PCDHGA8: variants seen among roughly 807,000 people sequenced by gnomAD.
The protein encoded by PCDHGA8 is protocadherin gamma subfamily A, 8.
In PCDHGA8, 45 loss-of-function variants were observed where a neutral mutation model predicts 59.2. The ratio of observed to expected loss-of-function variants is 0.76; its 90% CI spans 0.60 to 0.98. PCDHGA8 has a LOEUF of 0.98. PCDHGA8 is among the 50% of genes least tolerant of loss of function. PCDHGA8 has a pLI of 0.00. For missense variants in PCDHGA8, 1,257 were observed against 1,196.2 expected (o/e 1.05, Z -0.75); for synonymous variants, 531 against 519.0 (o/e 1.02, Z -0.32).
At chr5:141,418,742 G>T (rs1351760637) in intron 1 of PCDHGA8, 6 of 1,613,778 alleles carry the variant, frequency 3.7e-6, no homozygotes, top group South Asian at 1.1e-5. Context: ...GTTCTCTCTG[G>T]ATTACACTAC....
chr5:141,410,687 T>A, intron 1 of PCDHGA8: 1 of 1,518,632 alleles, frequency 6.6e-7, no homozygotes, highest in Non-Finnish European at 8.8e-7. Context: ...TTAGGCATAC[T>A]ACTTTATTTT....
rs755602367 is a variant in PCDHGA8, at chr5:141,415,231, G to A, written c.2424+19994G>A. ...GGACCTCGGCAGCTTCGAGTCTCCA[G>A]CTAACTCTGAAACCTCAGACCTCAC... On this transcript the variant is annotated intron_variant, in intron 1 of 3. Transcript: ENST00000398604. 2.1e-5 allele frequency: 34 copies of A among 1,614,042 alleles called. No homozygotes were observed. The South Asian group carries it at 3.2e-4, about 15-fold the overall frequency.
chr5:141,494,712 C>T, intron 1 of PCDHGA8, 95 bp from the exon 2 acceptor site: 1 of 1,603,048 alleles, frequency 6.2e-7, no homozygotes, highest in Non-Finnish European at 8.5e-7. Context: ...TCTGTGCCCA[C>T]TCCCCTCCTT....
rs919100488 is a variant in PCDHGA8 at position 141,511,573 on chromosome 5, G to A, written c.*400G>A. On this transcript the variant is annotated 3_prime_UTR_variant, in exon 4 of 4. Transcript: ENST00000398604. ...ACAGTTCCTCTTTCCCGAGTAAGGT[G>A]GTTGGGGTGTTGAAGTACCAAGTAA... 1.1e-4 allele frequency: 33 copies of A among 288,248 alleles called. No individual in the cohort carries two copies. Among genetic ancestry groups the A allele is most frequent in the African/African-American group, 7.1e-4 (33 of 46,356 alleles). The allele number at this position is 288,248 out of a possible 1,614,324, so 17.9% of individuals were successfully genotyped here.
chr5:141,478,726 G>A, intron 1 of PCDHGA8: 2 of 1,540,996 alleles, frequency 1.3e-6, no homozygotes, highest in Non-Finnish European at 1.8e-6. Context: ...GCCTGCCAGA[G>A]TGTGGTTTGT....
chr5:141,404,075 G>C (rs2154534954), intron 1 of PCDHGA8: 2 of 1,613,660 alleles, frequency 1.2e-6, no homozygotes, highest in East Asian at 2.2e-5. Flanking sequence ...TCATGACCGA[G>C]ACTCCGGGAA....
rs1329435709 is a variant in PCDHGA8 at position 141,485,726 on chromosome 5, C to T, written c.2425-9081C>T. ...ACACTTTGCACTGGATGTGAAGAAGCGCAGCGACGGCAGCCTGGTCCCAGA... is the reference window on the plus strand; with the variant it reads ...ACACTTTGCACTGGATGTGAAGAAGTGCAGCGACGGCAGCCTGGTCCCAGA... On this transcript the variant is annotated intron_variant, in intron 1 of 3. Coordinates refer to ENST00000398604, the MANE Select transcript of PCDHGA8 (RefSeq NM_032088.2). This position sits in a 1 kb window ranked among gnomAD's most constrained non-coding sequence, Gnocchi z 5.7. 2 of 1,614,138 alleles carry T rather than the reference C, an allele frequency of 1.2e-6. No homozygotes were observed. The highest frequency in any genetic ancestry group is 8.5e-7 in the Non-Finnish European group (1 of 1,180,024).
rs186288044 is a variant in PCDHGA8, at chr5:141,433,652, A to G, written c.2424+38415A>G. On this transcript the variant is annotated intron_variant, in intron 1 of 3. Transcript: ENST00000398604. ...GGAGTTTGAGACCAGCCTGACCAAC[A>G]TGGAGAAACCCCGTCTATACTAAAA... is the stretch of plus-strand genomic sequence containing the variant. 1.0e-2 allele frequency among the ~76,000 whole-genome samples: 1,520 copies of G among 152,208 alleles called. 33 individuals are homozygous for G. The highest frequency in any genetic ancestry group is 0.034 in the African/African-American group (1,423 of 41,538).
intron 1 of PCDHGA8, among the ~76,000 whole-genome samples, chr5:141,462,269 T>C (rs2099036247): frequency 6.6e-6 from 1 of 152,230 alleles, no homozygotes; most frequent in Admixed American, 6.5e-5. Context: ...CTAAAGTGTA[T>C]TGTTTAGTCA....
rs1243327893 is a variant in PCDHGA8, at chr5:141,491,671, C to G, written c.2425-3136C>G. 1 of 1,613,484 alleles carries G rather than the reference C, an allele frequency of 6.2e-7. No homozygotes were observed. Among genetic ancestry groups the G allele is most frequent in the Admixed American group, 1.7e-5 (1 of 60,034 alleles). On this transcript the variant is annotated intron_variant, in intron 1 of 3. Transcript: ENST00000398604. This position sits in a 1 kb window ranked among gnomAD's most constrained non-coding sequence, Gnocchi z 6.9. ...GCTGGAGCCTGACGCCATCCGGTCC[C>G]GCTCTAATACGCTGCGGGAGCGGAG...
At chr5:141,409,640 G>A (rs1045286800) in intron 1 of PCDHGA8, 2 of 1,613,780 alleles carry the variant, frequency 1.2e-6, no homozygotes, top group African/African-American at 1.3e-5. Context: ...CTCTGACCCG[G>A]ATTTGGGGCT....
chr5:141,459,076 C>T (rs1474375780), intron 1 of PCDHGA8, among the ~76,000 whole-genome samples: 1 of 152,144 alleles, frequency 6.6e-6, no homozygotes, highest in Non-Finnish European at 1.5e-5. Context: ...ATAAAATTTG[C>T]CTTTTAAAAT....
rs761149166 is a variant in PCDHGA8 at position 141,510,977 on chromosome 5, G to C, written c.2603G>C (p.Gly868Ala). Residue 868 changes from glycine to alanine, a missense_variant, in exon 4 of 4, where the codon GGG (glycine) becomes GCG (alanine). Coordinates refer to ENST00000398604, the MANE Select transcript of PCDHGA8 (RefSeq NM_032088.2). Reference protein sequence around the residue: ...EAADGSSTLGGGAGTMGLSAR... With the variant: ...EAADGSSTLGAGAGTMGLSAR... ...GCTGATGGGAGCTCCACCCTGGGAG[G>C]GGGTGCCGGCACCATGGGATTGAGC... 9 of 1,614,052 alleles carry C rather than the reference G, an allele frequency of 5.6e-6. No individual in the cohort carries two copies. The Admixed American group carries it at 1.3e-4, about 24-fold the overall frequency.
chr5:141,456,884 A>G (rs1448469695), intron 1 of PCDHGA8, among the ~76,000 whole-genome samples: 1 of 151,974 alleles, frequency 6.6e-6, no homozygotes, highest in East Asian at 1.9e-4. Flanking sequence ...AATCGCTTGA[A>G]CCCGGGAGGC....
chr5:141,394,397 G>A lies in PCDHGA8; in HGVS notation c.1584G>A (p.Leu528=). 6.2e-7 allele frequency: 1 copy of A among 1,614,212 alleles called. No homozygotes were observed. Among genetic ancestry groups the A allele is most frequent in the Non-Finnish European group, 8.5e-7 (1 of 1,180,036 alleles). The change falls in exon 1 of 4, where the codon CTG becomes CTA. Residue 528 remains leucine (L), a synonymous_variant. Transcript: ENST00000398604. ...QSFDYEQIRD[L]QLLVTASDSG... ...TCGACTATGAGCAGATCCGAGACCTGCAGCTACTGGTAACAGCCAGCGACA... is the reference window on the plus strand; with the variant it reads ...TCGACTATGAGCAGATCCGAGACCTACAGCTACTGGTAACAGCCAGCGACA...
At chr5:141,419,116 C>A in intron 1 of PCDHGA8, 2 of 1,613,888 alleles carry the variant, frequency 1.2e-6, no homozygotes. Context: ...CAGAGTACAA[C>A]GTCACCATCG....
At chr5:141,461,273 C>A (rs1301916233) in intron 1 of PCDHGA8, among the ~76,000 whole-genome samples, 1 of 152,128 alleles carries the variant, frequency 6.6e-6, no homozygotes, top group Admixed American at 6.6e-5. Flanking sequence ...TAAGTGTTCT[C>A]TTTTCCCCAC....
intron 1 of PCDHGA8, chr5:141,419,150 C>T (rs1276109093): frequency 1.2e-6 from 2 of 1,613,850 alleles, no homozygotes; most frequent in Admixed American, 3.3e-5. Flanking sequence ...GGGCAAGCCT[C>T]CGTTATCCTC....
chr5:141,422,577 T>G, intron 1 of PCDHGA8: 1 of 1,613,848 alleles, frequency 6.2e-7, no homozygotes, highest in Non-Finnish European at 8.5e-7. Context: ...ACGATAACCC[T>G]CCCGTTTTTC....
Sources: gnomAD v4.1 joint callset for allele counts (sites outside exome capture counted in the v4.1 genomes callset) on GRCh38, gnomAD v4.1.1 for gene constraint, Gnocchi (gnomAD v3.1) non-coding constraint, MANE v1.5 for transcripts, NCBI Gene and HGNC (gene_info 2026-07-23, HGNC 2026-07-21) for gene names.